PPM1B: variants seen among roughly 807,000 people sequenced by gnomAD.
The protein encoded by PPM1B is protein phosphatase, Mg2+/Mn2+ dependent 1B, also known as protein phosphatase 1B.
PPM1B carries 22 observed loss-of-function variants against 43.0 expected under a neutral mutation model. That is an observed-to-expected ratio of 0.51 (90% CI 0.37 to 0.73). The LOEUF (loss-of-function observed/expected upper bound fraction) is 0.73. Among genes scored for constraint, PPM1B ranks in the 30% least tolerant of loss-of-function variants. PPM1B has a pLI of 0.00. For missense variants in PPM1B, 632 were observed against 584.2 expected (o/e 1.08, Z -0.84); for synonymous variants, 217 against 197.9 (o/e 1.10, Z -0.81).
At chr2:44,172,109 A>G (rs1245815524) in intron 1 of PPM1B, among the ~76,000 whole-genome samples, 1 of 152,192 alleles carries the variant, frequency 6.6e-6, no homozygotes, top group African/African-American at 2.4e-5. Context: ...TATTCAAGTA[A>G]TAGCATAAAA....
At chr2:44,193,904 G>C (rs1668529155) in intron 1 of PPM1B, among the ~76,000 whole-genome samples, 1 of 152,152 alleles carries the variant, frequency 6.6e-6, no homozygotes, top group African/African-American at 2.4e-5. Context: ...TATAGAGACA[G>C]AGTCTCACTT....
At chr2:44,175,846 T>C (rs143858907) in intron 1 of PPM1B, among the ~76,000 whole-genome samples, 485 of 149,192 alleles carry the variant, frequency 3.3e-3, no homozygotes, top group African/African-American at 0.012. Flanking sequence ...AGTGCAGTGG[T>C]ATGATCTCGG....
chr2:44,177,463 G>T (rs1224002279), intron 1 of PPM1B, among the ~76,000 whole-genome samples: 2 of 130,994 alleles, frequency 1.5e-5, no homozygotes, highest in African/African-American at 5.8e-5. Flanking sequence ...TTGTTGCCCA[G>T]GCTGGAGTGT....
chr2:44,236,884 T>C (rs1254603548), downstream of PPM1B, among the ~76,000 whole-genome samples: 3 of 152,238 alleles, frequency 2.0e-5, no homozygotes, highest in African/African-American at 7.2e-5. Context: ...GAAAACGTGA[T>C]AAGATTTCTT....
At chr2:44,232,232 T>C, downstream of PPM1B, 1 of 1,540,240 alleles carries the variant, frequency 6.5e-7, no homozygotes, top group East Asian at 2.3e-5. Flanking sequence ...AATTTGTTCA[T>C]CAATTTTGTT....
intron 1 of PPM1B, among the ~76,000 whole-genome samples, chr2:44,191,288 A>G (rs1235134008): frequency 5.3e-5 from 8 of 152,062 alleles, no homozygotes; most frequent in Non-Finnish European, 7.4e-5. Context: ...ATCTCGGCTC[A>G]CTGCAACCTC....
chr2:44,246,589 G>A (rs1022927351), downstream of PPM1B, among the ~76,000 whole-genome samples: 5 of 152,178 alleles, frequency 3.3e-5, no homozygotes, highest in Admixed American at 1.3e-4. Context: ...TTTCAGCAAT[G>A]TACTGATCCA....
At chr2:44,182,059 C>T (rs764328587) in intron 1 of PPM1B, among the ~76,000 whole-genome samples, 1 of 152,024 alleles carries the variant, frequency 6.6e-6, no homozygotes, top group Non-Finnish European at 1.5e-5. Flanking sequence ...CCACAAAGTA[C>T]CTTATTTTGA....
chr2:44,182,020 A>G (rs1667898443), intron 1 of PPM1B, among the ~76,000 whole-genome samples: 1 of 152,172 alleles, frequency 6.6e-6, no homozygotes, highest in South Asian at 2.1e-4. Context: ...GAGTTTCCAG[A>G]ATCGAGGCGT....
At chr2:44,170,572 TCA>T (rs1667286569) in intron 1 of PPM1B, among the ~76,000 whole-genome samples, 1 of 152,226 alleles carries the variant, frequency 6.6e-6, no homozygotes, top group South Asian at 2.1e-4. Flanking sequence ...ACAGTGTAAG[TCA>T]CAGTATGTTC....
At chr2:44,200,979 C>T (rs762853318) in intron 1 of PPM1B, among the ~76,000 whole-genome samples, 1 of 152,064 alleles carries the variant, frequency 6.6e-6, no homozygotes, top group Non-Finnish European at 1.5e-5. Context: ...TTTAATTGGT[C>T]TGATTATTCT....
chr2:44,227,006 C>T (rs1455063415), intron 5 of PPM1B, among the ~76,000 whole-genome samples: 1 of 151,002 alleles, frequency 6.6e-6, no homozygotes, highest in East Asian at 1.9e-4. Context: ...CAGGGTCTTC[C>T]TCCATTGCCC....
At chr2:44,212,705 T>A (rs542433683) in intron 3 of PPM1B, among the ~76,000 whole-genome samples, 17 of 152,284 alleles carry the variant, frequency 1.1e-4, no homozygotes, top group African/African-American at 4.1e-4. Context: ...TAGTTACACA[T>A]TCTTTAAAAA....
intron 3 of PPM1B, among the ~76,000 whole-genome samples, chr2:44,209,958 T>C (rs1669381850): frequency 6.6e-6 from 1 of 152,170 alleles, no homozygotes. Flanking sequence ...GGTAGTTCGT[T>C]AGAGCTTGCT....
At chr2:44,227,039 A>G (rs1001507378) in intron 5 of PPM1B, among the ~76,000 whole-genome samples, 3 of 151,938 alleles carry the variant, frequency 2.0e-5, no homozygotes, top group Admixed American at 6.6e-5. Flanking sequence ...AGAGGCATGA[A>G]CATGGCTTAC....
chr2:44,176,782 G>C (rs1347098995), intron 1 of PPM1B, among the ~76,000 whole-genome samples: 1 of 152,134 alleles, frequency 6.6e-6, no homozygotes. Context: ...TTGCTAAAGT[G>C]AATCAAGATT....
chr2:44,205,972 C>T (rs146001070), intron 2 of PPM1B, among the ~76,000 whole-genome samples: 5 of 152,184 alleles, frequency 3.3e-5, no homozygotes, highest in South Asian at 2.1e-4. Flanking sequence ...GCTGAGATCG[C>T]GCCATTGCAC....
intron 2 of PPM1B, among the ~76,000 whole-genome samples, chr2:44,208,156 G>A (rs1669283801): frequency 6.6e-6 from 1 of 151,964 alleles, no homozygotes; most frequent in South Asian, 2.1e-4. Flanking sequence ...CCAAAGTGCT[G>A]GGATTACAGG....
chr2:44,217,004 T>G (rs1053484157), intron 3 of PPM1B, among the ~76,000 whole-genome samples: 1 of 151,558 alleles, frequency 6.6e-6, no homozygotes, highest in Non-Finnish European at 1.5e-5. Context: ...GAAGTAGAAG[T>G]CTTTGAATGG....
Sources: gnomAD v4.1 joint callset for allele counts (sites outside exome capture counted in the v4.1 genomes callset) on GRCh38, gnomAD v4.1.1 for gene constraint, MANE v1.5 for transcripts, NCBI Gene and HGNC (gene_info 2026-07-23, HGNC 2026-07-21) for gene names.